The following SMOC2 variants were observed in gnomAD, a reference collection of about 807,000 sequenced individuals.
The protein encoded by SMOC2 is SPARC related modular calcium binding 2.
A neutral mutation model predicts 61.4 loss-of-function variants in SMOC2; 39 were observed. The ratio of observed to expected loss-of-function variants is 0.64; its 90% CI spans 0.49 to 0.83. The LOEUF (loss-of-function observed/expected upper bound fraction) is 0.83, where lower values mean the gene tolerates loss of function less well. Among genes scored for constraint, SMOC2 ranks in the 40% least tolerant of loss-of-function variants. SMOC2 has a pLI of 0.00. For synonymous variants in SMOC2, 247 were observed against 239.9 expected, an observed-to-expected ratio of 1.03 and a Z score of -0.27; for missense variants, 556 against 592.9, an observed-to-expected ratio of 0.94 and a Z score of 0.65.
In SMOC2 at chr6:168,441,436, G is replaced by A. The variant is rs769908987; in HGVS notation, c.66G>A (p.Gln22=). The A allele has an allele frequency of 1.1e-5, 17 of 1,508,868 alleles. No individual in the cohort carries two copies. The South Asian group carries it at 2.1e-4, about 19-fold the overall frequency. 93.5% of individuals were successfully genotyped at this position (1,508,868 alleles called of 1,614,324 possible). A position where few individuals can be genotyped will look rare whatever the true frequency, so the allele number is the denominator to read the frequency against. ...GGCTGCTCCCGCCGGTGCCCGCTCA[G>A]AAGTTCTCGGCGCTCACGGTAAGCC... ...LAGLLPPVPA[Q]KFSALTFLRV... Residue 22 remains glutamine, a synonymous_variant, in exon 1 of 13, where the codon CAG becomes CAA. Coordinates refer to ENST00000356284, the MANE Select transcript of SMOC2 (RefSeq NM_001166412.2).
intron 9 of SMOC2, among the ~76,000 whole-genome samples, chr6:168,647,860 C>T (rs1243513778): frequency 3.3e-5 from 5 of 152,164 alleles, no homozygotes; most frequent in Admixed American, 6.5e-5. Context: ...CCTGGGGTGA[C>T]TGTGACATGG....
chr6:168,612,656 G>A (rs1785911303), intron 9 of SMOC2, among the ~76,000 whole-genome samples: 1 of 152,230 alleles, frequency 6.6e-6, no homozygotes, highest in Admixed American at 6.5e-5. Context: ...CCCTTCTGCT[G>A]AGTGAGAGGG....
At chr6:168,630,870 G>A (rs532922750) in intron 9 of SMOC2, among the ~76,000 whole-genome samples, 6 of 152,138 alleles carry the variant, frequency 3.9e-5, no homozygotes, top group Non-Finnish European at 8.8e-5. Flanking sequence ...ATTAGGAAGA[G>A]GAAATTCCCA....
chr6:168,599,529 C>CAT, intron 8 of SMOC2, among the ~76,000 whole-genome samples: 1 of 31,364 alleles, frequency 3.2e-5, no homozygotes, highest in Non-Finnish European at 7.8e-5. Flanking sequence ...CTCATACCCC[C>CAT]ACACACCCAC....
At chr6:168,642,283 T>C (rs1210029862) in intron 9 of SMOC2, among the ~76,000 whole-genome samples, 2 of 152,194 alleles carry the variant, frequency 1.3e-5, no homozygotes, top group East Asian at 1.9e-4. Flanking sequence ...ACCAGCCGGA[T>C]TGGCTACAGC....
intron 7 of SMOC2, among the ~76,000 whole-genome samples, chr6:168,549,800 T>C (rs1784089847): frequency 6.6e-6 from 1 of 152,248 alleles, no homozygotes; most frequent in Non-Finnish European, 1.5e-5. Context: ...TTAAATTTTC[T>C]AAATTCTTTA....
At chr6:168,518,892 TG>T (rs1783235493) in intron 2 of SMOC2, among the ~76,000 whole-genome samples, 1 of 150,934 alleles carries the variant, frequency 6.6e-6, no homozygotes, top group Non-Finnish European at 1.5e-5. Flanking sequence ...TGAGCATGCG[TG>T]TGTGTGCGTG....
chr6:168,517,815 CAGGGGCCTGGGCGGTGG>C lies in SMOC2; in HGVS notation c.256+7751_256+7767del, dbSNP rs374969550. 7.3e-3 allele frequency among the ~76,000 whole-genome samples: 1,108 copies of C among 152,202 alleles called. 16 individuals carry two copies. The highest frequency in any genetic ancestry group is 0.025 in the African/African-American group (1,028 of 41,520). On this transcript the variant is annotated intron_variant, in intron 2 of 12. Transcript: ENST00000356284. ...GGGAACCCCCTGTGGGGGTGAAATG[CAGGGGCCTGGGCGGTGG>C]AGGGGCCTGGGCGGTGGAGGGCGGG...
At chr6:168,458,819 C>T (rs183806750) in intron 1 of SMOC2, among the ~76,000 whole-genome samples, 2 of 152,294 alleles carry the variant, frequency 1.3e-5, no homozygotes, top group East Asian at 1.9e-4. Flanking sequence ...GCCCACTCCT[C>T]GGTGTAAAGG....
chr6:168,627,165 A>T (rs904645937), intron 9 of SMOC2, among the ~76,000 whole-genome samples: 1 of 152,238 alleles, frequency 6.6e-6, no homozygotes, highest in African/African-American at 2.4e-5. Context: ...ACTTTGGGTT[A>T]GCCGTGAGCT....
intron 7 of SMOC2, among the ~76,000 whole-genome samples, chr6:168,552,730 G>A (rs191025153): frequency 6.6e-4 from 100 of 152,026 alleles, no homozygotes; most frequent in Non-Finnish European, 1.2e-3. Context: ...ATAAAATCAT[G>A]CCTCCTGTGG....
In SMOC2 at chr6:168,655,629, C is replaced by A. The variant is rs1451664472; in HGVS notation, c.1285+2401C>A. Reference sequence around the variant, plus strand: ...TCCCCCTGCACATGTGTGCTGGATCCCCTCACACGTGTGTGCTAGATCCCC... The same window carrying A: ...TCCCCCTGCACATGTGTGCTGGATCACCTCACACGTGTGTGCTAGATCCCC... On this transcript the variant is annotated intron_variant, in intron 11 of 12. Coordinates refer to ENST00000356284, the MANE Select transcript of SMOC2 (RefSeq NM_001166412.2). 2.7e-5 allele frequency: 9 copies of A among 331,582 alleles called. No individual in the cohort carries two copies. The East Asian group carries it at 6.2e-4, about 23-fold the overall frequency. 20.5% of individuals were successfully genotyped at this position (331,582 alleles called of 1,614,324 possible).
At chr6:168,576,811 G>A (rs1179760294) in intron 7 of SMOC2, among the ~76,000 whole-genome samples, 3 of 151,958 alleles carry the variant, frequency 2.0e-5, no homozygotes, top group Non-Finnish European at 2.9e-5. Flanking sequence ...ACTCATCGTC[G>A]ATGTGAACAC....
At chr6:168,496,497 C>G (rs1234529042) in intron 1 of SMOC2, among the ~76,000 whole-genome samples, 1 of 152,194 alleles carries the variant, frequency 6.6e-6, no homozygotes, top group Non-Finnish European at 1.5e-5. Context: ...GTTGGACTGT[C>G]CAAGCCTGGG....
At chr6:168,621,229 C>T (rs1178794159) in intron 9 of SMOC2, among the ~76,000 whole-genome samples, 1 of 152,186 alleles carries the variant, frequency 6.6e-6, no homozygotes, top group African/African-American at 2.4e-5. Context: ...AGCAGACACA[C>T]TTTAGTGTTT....
chr6:168,494,136 G>A (rs1322149979), intron 1 of SMOC2, among the ~76,000 whole-genome samples: 4 of 152,170 alleles, frequency 2.6e-5, no homozygotes, highest in Non-Finnish European at 5.9e-5. Context: ...GTATTAGATG[G>A]TTATTCCAGA....
At chr6:168,626,240 C>T (rs756380212) in intron 9 of SMOC2, among the ~76,000 whole-genome samples, 5 of 152,138 alleles carry the variant, frequency 3.3e-5, no homozygotes, top group African/African-American at 1.2e-4. Context: ...GACTCAAGTC[C>T]GCGCCCCCGT....
chr6:168,527,544 C>T (rs1008093284), intron 3 of SMOC2, 84 bp from the exon 4 acceptor site: 3 of 972,756 alleles, frequency 3.1e-6, no homozygotes, highest in African/African-American at 3.2e-5. Flanking sequence ...GAGCCACTGC[C>T]GCAGAAAGCA....
intron 2 of SMOC2, among the ~76,000 whole-genome samples, chr6:168,518,188 C>T (rs1019012584): frequency 1.3e-5 from 2 of 152,214 alleles, no homozygotes; most frequent in Non-Finnish European, 2.9e-5. Context: ...GCGCCCGGGG[C>T]CGGAGTGTCG....
Sources: gnomAD v4.1 joint callset for allele counts (sites outside exome capture counted in the v4.1 genomes callset) on GRCh38, gnomAD v4.1.1 for gene constraint, MANE v1.5 for transcripts, NCBI Gene and HGNC (gene_info 2026-07-23, HGNC 2026-07-21) for gene names.